AGPAT4: variants seen among roughly 807,000 people sequenced by gnomAD.
The protein encoded by AGPAT4 is 1-acylglycerol-3-phosphate O-acyltransferase 4, also known as 1-acyl-sn-glycerol-3-phosphate acyltransferase delta.
AGPAT4 carries 15 observed loss-of-function variants against 48.0 expected under a neutral mutation model. The observed-to-expected ratio is 0.31, with a 90% confidence interval of 0.21 to 0.48. AGPAT4 has a LOEUF of 0.48. Ranked by LOEUF, AGPAT4 falls within the 20% of genes least tolerant of loss-of-function variation. AGPAT4 has a pLI of 0.99. For synonymous variants in AGPAT4, 178 were observed against 198.7 expected, an observed-to-expected ratio of 0.90 and a Z score of 0.88; for missense variants, 314 against 482.5, an observed-to-expected ratio of 0.65 and a Z score of 3.27.
intron 2 of AGPAT4, among the ~76,000 whole-genome samples, chr6:161,176,534 C>T (rs572319092): frequency 7.2e-5 from 11 of 152,270 alleles, no homozygotes; most frequent in African/African-American, 2.6e-4. Context: ...CTATGTGTGT[C>T]TCTGTACATG....
At chr6:161,190,070 C>A (rs1174918799) in intron 2 of AGPAT4, among the ~76,000 whole-genome samples, 1 of 152,090 alleles carries the variant, frequency 6.6e-6, no homozygotes, top group Non-Finnish European at 1.5e-5. Context: ...AAGCTGATGT[C>A]ATTTAGATGA....
chr6:161,207,740 G>C (rs1288877221), intron 2 of AGPAT4, among the ~76,000 whole-genome samples: 1 of 152,212 alleles, frequency 6.6e-6, no homozygotes, highest in East Asian at 1.9e-4. Context: ...AATGGGGATG[G>C]AGTGGAGGTT....
At chr6:161,252,081 T>C (rs773625528) in intron 1 of AGPAT4, among the ~76,000 whole-genome samples, 1 of 152,176 alleles carries the variant, frequency 6.6e-6, no homozygotes, top group Non-Finnish European at 1.5e-5. Flanking sequence ...AGTGGGTTAA[T>C]GGTTATAACT....
In AGPAT4 at chr6:161,208,807, C is replaced by G. The variant is rs1649542679; in HGVS notation, c.178+23229G>C. ...CAATAAAATTTGATTTGAAGTCTAT[C>G]AATTCATAATTTGTAACAATTCAAG... On this transcript the variant is annotated intron_variant, in intron 2 of 8. Transcript: ENST00000320285. The surrounding 1 kb of genome is among the most constrained non-coding windows in gnomAD (Gnocchi z 4.6). Among the ~76,000 whole-genome samples, 1 of 152,142 alleles carries G rather than the reference C, an allele frequency of 6.6e-6. No homozygotes were observed. The highest frequency in any genetic ancestry group is 2.1e-4 in the South Asian group (1 of 4,836).
At chr6:161,153,863 T>C (rs2114966607) in intron 4 of AGPAT4, among the ~76,000 whole-genome samples, 1 of 149,626 alleles carries the variant, frequency 6.7e-6, no homozygotes, top group African/African-American at 2.5e-5. Flanking sequence ...GGCCACATGA[T>C]CACACACGGC....
In AGPAT4 at chr6:161,215,591, A is replaced by G. The variant is rs895774099; in HGVS notation, c.178+16445T>C. Among the ~76,000 whole-genome samples the G allele has an allele frequency of 3.9e-5, 6 of 152,124 alleles. No homozygotes were observed. The highest frequency in any genetic ancestry group is 1.4e-4 in the African/African-American group (6 of 41,412). On this transcript the variant is annotated intron_variant, in intron 2 of 8. Coordinates refer to ENST00000320285, the MANE Select transcript of AGPAT4 (RefSeq NM_020133.3). This position sits in a 1 kb window ranked among gnomAD's most constrained non-coding sequence, Gnocchi z 4.5. ...TGTATAACAAGCTCTTTTTGAACCT[A>G]AAACATTCTAGTCTTTATATTCTGA...
rs1189364187 is a variant in AGPAT4, at chr6:161,208,976, G to C, written c.178+23060C>G. On this transcript the variant is annotated intron_variant, in intron 2 of 8. Transcript: ENST00000320285. This position sits in a 1 kb window ranked among gnomAD's most constrained non-coding sequence, Gnocchi z 4.6. ...TCCCTAAAACGGCAATCATGACCTT[G>C]TGTTAATTACTGGGGAAGAAAACGC... Among the ~76,000 whole-genome samples, 1 of 152,214 alleles carries C rather than the reference G, an allele frequency of 6.6e-6. No individual in the cohort carries two copies. The highest frequency in any genetic ancestry group is 6.5e-5 in the Admixed American group (1 of 15,276).
intron 2 of AGPAT4, among the ~76,000 whole-genome samples, chr6:161,187,878 T>C (rs1780816819): frequency 6.6e-6 from 1 of 152,120 alleles, no homozygotes; most frequent in Non-Finnish European, 1.5e-5. Context: ...CATTATAAAA[T>C]TACTAACTTG....
rs762250277 is a variant in AGPAT4, at chr6:161,142,958, G to A, written c.844-3338C>T. ...ATGGTTCTTGTCCTTGAAGGCCAGAGCAGGAGAGCACAGTGTTTCCCACGG... is the reference window on the plus strand; with the variant it reads ...ATGGTTCTTGTCCTTGAAGGCCAGAACAGGAGAGCACAGTGTTTCCCACGG... On this transcript the variant is annotated intron_variant, in intron 7 of 8. Transcript: ENST00000320285. The surrounding 1 kb of genome is among the most constrained non-coding windows in gnomAD (Gnocchi z 6.4). 1.3e-5 allele frequency among the ~76,000 whole-genome samples: 2 copies of A among 152,210 alleles called. No individual in the cohort carries two copies. Among genetic ancestry groups the A allele is most frequent in the Non-Finnish European group, 2.9e-5 (2 of 68,028 alleles).
Position 161,149,630 on chromosome 6 carries a change from C to T in AGPAT4, c.665-341G>A, listed in dbSNP as rs1236261942. 6.6e-6 allele frequency among the ~76,000 whole-genome samples: 1 copy of T among 152,096 alleles called. No homozygotes were observed. The highest frequency in any genetic ancestry group is 2.4e-5 in the African/African-American group (1 of 41,400). On this transcript the variant is annotated intron_variant, in intron 5 of 8. Transcript: ENST00000320285. This position sits in a 1 kb window ranked among gnomAD's most constrained non-coding sequence, Gnocchi z 6.5. ...AATCTCGGCTCACTACAACCTCTGCCTCCCGGGTTCAAACAATTCTCCTGT... is the reference window on the plus strand; with the variant it reads ...AATCTCGGCTCACTACAACCTCTGCTTCCCGGGTTCAAACAATTCTCCTGT...
rs1009810103 is a variant in AGPAT4, at chr6:161,234,191, G to C, written c.-89-1889C>G. 6.6e-6 allele frequency among the ~76,000 whole-genome samples: 1 copy of C among 152,124 alleles called. No homozygotes were observed. The highest frequency in any genetic ancestry group is 1.5e-5 in the Non-Finnish European group (1 of 68,036). ...GCAGGTTGGCTCTGAGGATGGTTTC[G>C]GGCATATGGAGAGTCACAGGGAGGC... On this transcript the variant is annotated intron_variant, in intron 1 of 8. Coordinates refer to ENST00000320285, the MANE Select transcript of AGPAT4 (RefSeq NM_020133.3). This position sits in a 1 kb window ranked among gnomAD's most constrained non-coding sequence, Gnocchi z 4.4.
chr6:161,194,619 CAT>C (rs1562332930), intron 2 of AGPAT4, among the ~76,000 whole-genome samples: 11 of 148,656 alleles, frequency 7.4e-5, no homozygotes, highest in African/African-American at 2.0e-4. Context: ...TGTATGTGTA[CAT>C]GTGTGTATGT....
Position 161,180,555 on chromosome 6 carries a change from T to C in AGPAT4, c.179-14138A>G, listed in dbSNP as rs61492784. ...TGATTGCTATGAAATATAACAAATA[T>C]GTATAATTATACATTTATAATAACC... On this transcript the variant is annotated intron_variant, in intron 2 of 8. Transcript: ENST00000320285. This position sits in a 1 kb window ranked among gnomAD's most constrained non-coding sequence, Gnocchi z 6.4. 3.6e-3 allele frequency among the ~76,000 whole-genome samples: 546 copies of C among 152,356 alleles called. 4 individuals are homozygous for C. Among genetic ancestry groups the C allele is most frequent in the African/African-American group, 0.012 (500 of 41,588 alleles).
In AGPAT4 at chr6:161,254,723, C is replaced by A. The variant is rs986628419; in HGVS notation, c.-90+19215G>T. ...TTACTGAGGCTACTTACAACTTCTTCTGTTAATCCTTGGTTCTAAGCTTTA... is the reference window on the plus strand; with the variant it reads ...TTACTGAGGCTACTTACAACTTCTTATGTTAATCCTTGGTTCTAAGCTTTA... On this transcript the variant is annotated intron_variant, in intron 1 of 8. Transcript: ENST00000320285. The surrounding 1 kb of genome is among the most constrained non-coding windows in gnomAD (Gnocchi z 5.9). Among the ~76,000 whole-genome samples the A allele has an allele frequency of 6.6e-6, 1 of 152,244 alleles. No individual in the cohort carries two copies. Among genetic ancestry groups the A allele is most frequent in the Non-Finnish European group, 1.5e-5 (1 of 68,050 alleles).
chr6:161,179,225 G>A (rs1195989672), intron 2 of AGPAT4, among the ~76,000 whole-genome samples: 2 of 152,238 alleles, frequency 1.3e-5, no homozygotes, highest in African/African-American at 2.4e-5. Flanking sequence ...AACATGCGTG[G>A]GTTGTGGCCC....
chr6:161,219,879 G>GA lies in AGPAT4; in HGVS notation c.178+12156_178+12157insT, dbSNP rs1562343710. Among the ~76,000 whole-genome samples, 2 of 98,934 alleles carry GA rather than the reference G, an allele frequency of 2.0e-5. No individual in the cohort carries two copies. The highest frequency in any genetic ancestry group is 2.2e-4 in the Admixed American group (2 of 9,052). The allele number at this position is 98,934 out of a possible 152,430, so 64.9% of individuals were successfully genotyped here. On this transcript the variant is annotated intron_variant, in intron 2 of 8. Transcript: ENST00000320285. This position sits in a 1 kb window ranked among gnomAD's most constrained non-coding sequence, Gnocchi z 4.9. The stretch of plus-strand genomic sequence containing the variant: ...GATAGATAGATAGATAGATAGGCAG[G>GA]CAGGCAGGCAGGCAGGCAGGCAGGC...
intron 2 of AGPAT4, among the ~76,000 whole-genome samples, chr6:161,209,723 G>C (rs1028267617): frequency 3.9e-5 from 6 of 152,198 alleles, no homozygotes; most frequent in South Asian, 2.1e-4. Flanking sequence ...TCATTTGTCT[G>C]TCCAGCTTTC....
chr6:161,236,288 T>G lies in AGPAT4; in HGVS notation c.-89-3986A>C, dbSNP rs187403258. On this transcript the variant is annotated intron_variant, in intron 1 of 8. Coordinates refer to ENST00000320285, the MANE Select transcript of AGPAT4 (RefSeq NM_020133.3). The surrounding 1 kb of genome is among the most constrained non-coding windows in gnomAD (Gnocchi z 5.0). ...ATTTCTGCGAAAAAAAAAAAGATGT[T>G]TCTTACTATCAAGGCCAAAAATGAT... Among the ~76,000 whole-genome samples the G allele has an allele frequency of 7.2e-5, 11 of 152,272 alleles. No individual in the cohort carries two copies. The East Asian group carries it at 2.1e-3, about 29-fold the overall frequency.
intron 2 of AGPAT4, among the ~76,000 whole-genome samples, chr6:161,179,673 T>C (rs577557305): frequency 6.6e-6 from 1 of 152,146 alleles, no homozygotes; most frequent in Non-Finnish European, 1.5e-5. Context: ...CCCCTCTTCC[T>C]GGCCTCCTCA....
Sources: allele counts gnomAD v4.1 joint callset (sites outside exome capture counted in the v4.1 genomes callset), GRCh38; gene constraint gnomAD v4.1.1; non-coding constraint Gnocchi (gnomAD v3.1); transcripts MANE v1.5; gene names NCBI Gene and HGNC (gene_info 2026-07-23, HGNC 2026-07-21).